GALNT8: variants seen among roughly 807,000 people sequenced by gnomAD.
The protein encoded by GALNT8 is probable polypeptide N-acetylgalactosaminyltransferase 8.
GALNT8 carries 66 observed loss-of-function variants against 62.7 expected under a neutral mutation model. The observed-to-expected ratio is 1.05, with a 90% CI of 0.86 to 1.29. The LOEUF (loss-of-function observed/expected upper bound fraction) is 1.29, where lower values mean the gene tolerates loss of function less well. GALNT8 is among the 50% of genes most tolerant of loss of function. The pLI is 0.00. For synonymous variants in GALNT8, 288 were observed against 294.3 expected (o/e 0.98, Z 0.22); for missense variants, 771 against 791.8 (o/e 0.97, Z 0.32).
intron 2 of GALNT8, among the ~76,000 whole-genome samples, chr12:4,727,354 G>C (rs146300012): frequency 1.1e-4 from 17 of 151,426 alleles, no homozygotes; most frequent in African/African-American, 4.1e-4. Context: ...AAACAGCTTT[G>C]TTGAGATGTA....
chr12:4,758,783 T>C (rs1259681786), intron 6 of GALNT8, among the ~76,000 whole-genome samples: 1 of 151,978 alleles, frequency 6.6e-6, no homozygotes, highest in Non-Finnish European at 1.5e-5. Context: ...AATCTTTTTT[T>C]TTTTTTCTTT....
chr12:4,738,925 T>A (rs1946257695), intron 2 of GALNT8, among the ~76,000 whole-genome samples: 1 of 152,134 alleles, frequency 6.6e-6, no homozygotes, highest in Non-Finnish European at 1.5e-5. Flanking sequence ...AATGTTCCAA[T>A]GGAAACATCT....
intron 2 of GALNT8, among the ~76,000 whole-genome samples, chr12:4,731,517 G>C (rs1208992021): frequency 6.6e-6 from 1 of 152,102 alleles, no homozygotes; most frequent in Non-Finnish European, 1.5e-5. Flanking sequence ...ACTTCTAGAA[G>C]CATGTTGAAT....
chr12:4,753,868 A>G (rs1239974192), intron 6 of GALNT8, among the ~76,000 whole-genome samples: 2 of 152,174 alleles, frequency 1.3e-5, no homozygotes, highest in Non-Finnish European at 2.9e-5. Flanking sequence ...CATGGGTGTT[A>G]TGGTCTAAGC....
chr12:4,750,817 A>G (rs964488554), intron 6 of GALNT8, among the ~76,000 whole-genome samples: 2 of 152,114 alleles, frequency 1.3e-5, no homozygotes, highest in African/African-American at 4.8e-5. Flanking sequence ...CTTTTTCTTC[A>G]CAACCTTGCC....
intron 1 of GALNT8, among the ~76,000 whole-genome samples, chr12:4,725,483 C>A (rs536670753): frequency 1.5e-4 from 23 of 152,132 alleles, no homozygotes; most frequent in African/African-American, 4.8e-4. Context: ...CAGGCTCTAC[C>A]CCAGAATTGA....
chr12:4,768,279 T>G (rs1289661179), intron 10 of GALNT8, among the ~76,000 whole-genome samples: 1 of 152,194 alleles, frequency 6.6e-6, no homozygotes, highest in Non-Finnish European at 1.5e-5. Flanking sequence ...CACAGAATCT[T>G]TGGCAAGTAC....
At chr12:4,733,925 G>A (rs1445554865) in intron 2 of GALNT8, among the ~76,000 whole-genome samples, 1 of 152,178 alleles carries the variant, frequency 6.6e-6, no homozygotes, top group Non-Finnish European at 1.5e-5. Context: ...ACTCCACATG[G>A]CCAAACCTAA....
intron 1 of GALNT8, among the ~76,000 whole-genome samples, chr12:4,721,597 G>T (rs145471067): frequency 1.3e-5 from 2 of 152,064 alleles, no homozygotes; most frequent in African/African-American, 4.8e-5. Flanking sequence ...ATTGCTGCCC[G>T]CATGTCCCAC....
At chr12:4,767,195 C>A (rs1490505517) in intron 10 of GALNT8, among the ~76,000 whole-genome samples, 2 of 152,124 alleles carry the variant, frequency 1.3e-5, no homozygotes, top group African/African-American at 4.8e-5. Context: ...CCAGAGGAGT[C>A]GGTTGGGTGG....
chr12:4,745,366 T>A, intron 4 of GALNT8, 63 bp from the exon 5 acceptor site: 1 of 1,041,368 alleles, frequency 9.6e-7, no homozygotes, highest in Non-Finnish European at 1.5e-6. Flanking sequence ...AACAGCTTTA[T>A]CTGCTCTCCC....
At chr12:4,771,533 G>A (rs1342773777) in intron 10 of GALNT8, among the ~76,000 whole-genome samples, 1 of 152,200 alleles carries the variant, frequency 6.6e-6, no homozygotes, top group African/African-American at 2.4e-5. Flanking sequence ...GCTGCAGTCA[G>A]TCCCACTTGG....
At chr12:4,727,200 T>C (rs566819702) in intron 2 of GALNT8, among the ~76,000 whole-genome samples, 2 of 152,260 alleles carry the variant, frequency 1.3e-5, no homozygotes, top group African/African-American at 4.8e-5. Flanking sequence ...CCTAGGACTT[T>C]GCTCAAATTC....
intron 9 of GALNT8, 139 bp from the exon 10 acceptor site, chr12:4,765,240 G>T: frequency 1.5e-6 from 1 of 647,120 alleles, no homozygotes; most frequent in Non-Finnish European, 2.5e-6. Context: ...TGTCCAGGAA[G>T]GTTCAGTGCT....
chr12:4,730,866 CTT>C (rs1163742469), intron 2 of GALNT8, among the ~76,000 whole-genome samples: 8 of 137,282 alleles, frequency 5.8e-5, no homozygotes, highest in Admixed American at 1.5e-4. Context: ...TTTTTCTTTT[CTT>C]TTTTTTTTTT....
intron 6 of GALNT8, among the ~76,000 whole-genome samples, chr12:4,759,820 C>T (rs896255250): frequency 2.6e-5 from 4 of 151,890 alleles, no homozygotes; most frequent in East Asian, 1.9e-4. Context: ...CTTAGGCAAC[C>T]GTGAAGAGAA....
chr12:4,733,815 A>C (rs1368869882), intron 2 of GALNT8, among the ~76,000 whole-genome samples: 1 of 152,168 alleles, frequency 6.6e-6, no homozygotes, highest in African/African-American at 2.4e-5. Flanking sequence ...TGACTCCCGA[A>C]TCCACAGGAC....
At chr12:4,721,635 T>C (rs1565582314) in intron 1 of GALNT8, among the ~76,000 whole-genome samples, 1 of 152,204 alleles carries the variant, frequency 6.6e-6, no homozygotes, top group Non-Finnish European at 1.5e-5. Context: ...TTTTCTCCTA[T>C]CTCAGTAGAT....
intron 6 of GALNT8, among the ~76,000 whole-genome samples, chr12:4,760,697 C>G (rs571582185): frequency 6.6e-6 from 1 of 152,152 alleles, no homozygotes; most frequent in African/African-American, 2.4e-5. Context: ...GAGGCAGCCC[C>G]TCCTTTGGTC....
Sources: gnomAD v4.1 joint callset for allele counts (sites outside exome capture counted in the v4.1 genomes callset) on GRCh38, gnomAD v4.1.1 for gene constraint, MANE v1.5 for transcripts, NCBI Gene and HGNC (gene_info 2026-07-23, HGNC 2026-07-21) for gene names.